Variants in ANK2 observed in about 807,000 individuals in gnomAD.
ANK2 encodes ankyrin-2.
ANK2 carries 83 observed loss-of-function variants against 360.5 expected under a neutral mutation model. The observed-to-expected ratio is 0.23, with a 90% CI of 0.19 to 0.28. The LOEUF (loss-of-function observed/expected upper bound fraction) is 0.28. Among genes scored for constraint, ANK2 ranks in the 10% least tolerant of loss-of-function variants. ANK2 has a pLI of 1.00. For missense variants in ANK2, 4,201 were observed against 4,795.7 expected, an observed-to-expected ratio of 0.88 and a Z score of 3.66; for synonymous variants, 1,740 against 1,759.5, an observed-to-expected ratio of 0.99 and a Z score of 0.28.
intron 35 of ANK2, among the ~76,000 whole-genome samples, chr4:113,346,231 C>T (rs1035594907): frequency 6.6e-6 from 1 of 152,132 alleles, no homozygotes; most frequent in Non-Finnish European, 1.5e-5. Context: ...TAAGAAAAAA[C>T]GTAGTGCCAC....
intron 1 of ANK2, among the ~76,000 whole-genome samples, chr4:113,152,546 A>C (rs1363090727): frequency 6.6e-6 from 1 of 152,024 alleles, no homozygotes; most frequent in Non-Finnish European, 1.5e-5. Context: ...TACGTGTTTG[A>C]TTTTTCAAAG....
chr4:113,290,530 C>T (rs2067015694), intron 20 of ANK2, among the ~76,000 whole-genome samples: 2 of 152,004 alleles, frequency 1.3e-5, no homozygotes, highest in Admixed American at 1.3e-4. Flanking sequence ...ACGAACCAGA[C>T]CTGGTTAATC....
chr4:112,996,372 A>G (rs1234378313), intron 2 of ANK2, among the ~76,000 whole-genome samples: 2 of 152,160 alleles, frequency 1.3e-5, no homozygotes, highest in African/African-American at 4.8e-5. Flanking sequence ...GTAAATCATC[A>G]AATAGTACAC....
At chr4:112,972,862 T>G (rs988915966) in intron 2 of ANK2, among the ~76,000 whole-genome samples, 1 of 152,206 alleles carries the variant, frequency 6.6e-6, no homozygotes, top group Non-Finnish European at 1.5e-5. Context: ...AAACAATGTC[T>G]TTTGCAGCAA....
intron 1 of ANK2, among the ~76,000 whole-genome samples, chr4:113,114,425 C>T (rs541903011): frequency 8.5e-5 from 13 of 152,212 alleles, no homozygotes; most frequent in South Asian, 4.1e-4. Flanking sequence ...ATGCGTATGT[C>T]GGTCAATCTA....
chr4:113,355,842 G>T lies in ANK2; in HGVS notation c.7224G>T (p.Gly2408=). The T allele has an allele frequency of 1.2e-6, 2 of 1,614,088 alleles. No homozygotes were observed. The highest frequency in any genetic ancestry group is 1.7e-6 in the Non-Finnish European group (2 of 1,179,974). The change falls in exon 38 of 46, where the codon GGG becomes GGT. Residue 2408 remains glycine (G), a synonymous_variant. Transcript: ENST00000357077. ...KPQGVIRSPQ[G]LELALPSRDS... ...AGGGAGTCATTAGAAGTCCCCAAGGGTTAGAACTTGCACTCCCTAGCCGAG... is the reference window on the plus strand; with the variant it reads ...AGGGAGTCATTAGAAGTCCCCAAGGTTTAGAACTTGCACTCCCTAGCCGAG...
chr4:112,859,088 C>T (rs1400301076), intron 1 of ANK2, among the ~76,000 whole-genome samples: 5 of 152,172 alleles, frequency 3.3e-5, no homozygotes, highest in African/African-American at 7.2e-5. Flanking sequence ...CCATGAAAAC[C>T]TCGCTCGGAG....
intron 10 of ANK2, among the ~76,000 whole-genome samples, chr4:113,252,121 A>G (rs1213817542): frequency 6.6e-6 from 1 of 152,226 alleles, no homozygotes; most frequent in African/African-American, 2.4e-5. Flanking sequence ...TCATGGCAGA[A>G]GGTGAAAGGC....
intron 18 of ANK2, among the ~76,000 whole-genome samples, chr4:113,283,491 C>T (rs1414935271): frequency 6.6e-6 from 1 of 152,036 alleles, no homozygotes; most frequent in East Asian, 1.9e-4. Context: ...GTCATTTTAG[C>T]CTTTCTCCAG....
At position 113,373,211 on chromosome 4, in the gene ANK2, C is replaced by T. The variant is rs774866618; in HGVS notation, c.11694+38C>T. The T allele has an allele frequency of 8.7e-6, 14 of 1,610,914 alleles. No individual in the cohort carries two copies. The South Asian group carries it at 9.9e-5, about 11-fold the overall frequency. ...ATATCCTAACAGGGTTGATTACAAA[C>T]TTCCTGTTTAAAATTTATCAATTCC... is the stretch of plus-strand genomic sequence containing the variant. On this transcript the variant is annotated intron_variant, in intron 44 of 45. Transcript: ENST00000357077.
intron 21 of ANK2, chr4:113,293,194 C>T (rs1051098768): frequency 1.6e-6 from 1 of 640,644 alleles, no homozygotes; most frequent in Non-Finnish European, 2.9e-6. Flanking sequence ...GTTAAAGCGT[C>T]AAGTGCTTCT....
chr4:112,769,021 G>A, the ANK2 span, among the ~76,000 whole-genome samples: 1 of 152,164 alleles, frequency 6.6e-6, no homozygotes, highest in Non-Finnish European at 1.5e-5. Context: ...CTGACAGCTG[G>A]TTTCACTTAT....
chr4:112,782,635 G>A, the ANK2 span, among the ~76,000 whole-genome samples: 1 of 152,054 alleles, frequency 6.6e-6, no homozygotes, highest in South Asian at 2.1e-4. Context: ...GGGAGGCCGA[G>A]ATGGGTGGAT....
chr4:113,246,219 G>A (rs79500638), intron 9 of ANK2, among the ~76,000 whole-genome samples: 4,502 of 152,264 alleles, frequency 0.03, 99 homozygotes, highest in East Asian at 0.068. Flanking sequence ...CAAGGATCTT[G>A]CCTTGATCTT....
chr4:112,833,541 T>A (rs1360154172), intron 1 of ANK2, among the ~76,000 whole-genome samples: 1 of 151,654 alleles, frequency 6.6e-6, no homozygotes, highest in Non-Finnish European at 1.5e-5. Flanking sequence ...TCTCGCTCTG[T>A]CCCCCAGGCT....
At chr4:113,347,147 A>G (rs904012181) in intron 35 of ANK2, among the ~76,000 whole-genome samples, 16 of 152,300 alleles carry the variant, frequency 1.1e-4, no homozygotes, top group African/African-American at 3.8e-4. Context: ...GTTAAATTTT[A>G]TATTTGCTTA....
At chr4:112,755,357 C>CATGTGAAG in the ANK2 span, among the ~76,000 whole-genome samples, 1 of 152,180 alleles carries the variant, frequency 6.6e-6, no homozygotes, top group African/African-American at 2.4e-5. Context: ...CTCACATGTC[C>CATGTGAAG]ATGTGAAGAG....
At chr4:113,107,032 C>T (rs1008909940) in intron 1 of ANK2, 7 of 427,512 alleles carry the variant, frequency 1.6e-5, no homozygotes, top group Non-Finnish European at 3.3e-5. Context: ...TTTTTCCATT[C>T]GAAACAAAGC....
chr4:112,816,833 A>C (rs1465246384), upstream of ANK2, among the ~76,000 whole-genome samples: 1 of 152,220 alleles, frequency 6.6e-6, no homozygotes, highest in Admixed American at 6.5e-5. Flanking sequence ...CAACATGGTG[A>C]AACCCTATCT....
Sources: allele counts gnomAD v4.1 joint callset (sites outside exome capture counted in the v4.1 genomes callset), GRCh38; gene constraint gnomAD v4.1.1; transcripts MANE v1.5; gene names NCBI Gene and HGNC (gene_info 2026-07-23, HGNC 2026-07-21).